CD55: variants seen among roughly 807,000 people sequenced by gnomAD.
CD55 encodes complement decay-accelerating factor.
CD55 carries 41 observed loss-of-function variants against 45.8 expected under a neutral mutation model. That is an observed-to-expected ratio of 0.90 (90% CI 0.70 to 1.16). CD55 has a LOEUF of 1.16. CD55 is among the 50% of genes most tolerant of loss of function. The pLI, the probability that CD55 is intolerant of heterozygous loss-of-function variation, is 0.00. For synonymous variants in CD55, 181 were observed against 181.1 expected (o/e 1.00, Z 0.01); for missense variants, 416 against 469.8 (o/e 0.89, Z 1.06).
intron 9 of CD55, among the ~76,000 whole-genome samples, chr1:207,345,385 A>T (rs923398820): frequency 2.2e-4 from 33 of 152,034 alleles, no homozygotes; most frequent in African/African-American, 7.7e-4. Context: ...TATGTATTTC[A>T]TCAATAAATT....
intron 6 of CD55, among the ~76,000 whole-genome samples, chr1:207,333,429 A>G (rs1224447603): frequency 6.6e-6 from 1 of 152,232 alleles, no homozygotes; most frequent in Admixed American, 6.5e-5. Flanking sequence ...ACCCAGCTCA[A>G]TTCCTAATAG....
chr1:207,348,474 T>C (rs1655736486), intron 9 of CD55, among the ~76,000 whole-genome samples: 1 of 152,230 alleles, frequency 6.6e-6, no homozygotes, highest in South Asian at 2.1e-4. Context: ...ATTAGAACTT[T>C]GTTAGATGCA....
rs1656248537 is a variant in CD55 at position 207,360,318 on chromosome 1, T to C, written c.*708T>C. On this transcript the variant is annotated 3_prime_UTR_variant, in exon 10 of 10. Transcript: ENST00000367064. Reference sequence around the variant, plus strand: ...AATATTAACATAAGAAAAGATTATATATTATTTCTGAATCGAGATGTCCAT... The same window carrying C: ...AATATTAACATAAGAAAAGATTATACATTATTTCTGAATCGAGATGTCCAT... 1 of 152,192 alleles carries C rather than the reference T, an allele frequency of 6.6e-6. No individual in the cohort carries two copies. The highest frequency in any genetic ancestry group is 1.5e-5 in the Non-Finnish European group (1 of 68,012). 9.4% of individuals were successfully genotyped at this position (152,192 alleles called of 1,614,324 possible).
Position 207,331,195 on chromosome 1 carries a change from A to G in CD55, c.752A>G (p.Tyr251Cys), listed in dbSNP as rs1259516403. 1 of 1,612,966 alleles carries G rather than the reference A, an allele frequency of 6.2e-7. No homozygotes were observed. The highest frequency in any genetic ancestry group is 2.2e-5 in the East Asian group (1 of 44,854). Residue 251 changes from tyrosine (Y) to cysteine (C), a missense_variant, in exon 6 of 10, where the codon TAT (tyrosine) becomes TGT (cysteine). Physicochemically the swap from Tyr to Cys is radical, Grantham distance 194. Around this residue, in one of 3 missense-constraint regions of CD55, gnomAD observed 182 missense variants for 201.4 expected, o/e 0.90. Transcript: ENST00000367064. ...TATGGATATAGACAGTCTGTAACGT[A>G]TGCATGTAATAAAGGATTCACCATG... is the stretch of plus-strand genomic sequence containing the variant. ...DHYGYRQSVT[Y>C]ACNKGFTMIG...
intron 9 of CD55, among the ~76,000 whole-genome samples, chr1:207,346,691 G>T (rs1382334902): frequency 6.6e-6 from 1 of 152,166 alleles, no homozygotes; most frequent in Non-Finnish European, 1.5e-5. Flanking sequence ...GCTGCCAGTG[G>T]CTCCTGCTTT....
At chr1:207,323,534 T>C (rs1654527514) in intron 2 of CD55, among the ~76,000 whole-genome samples, 1 of 152,134 alleles carries the variant, frequency 6.6e-6, no homozygotes, top group African/African-American at 2.4e-5. Flanking sequence ...TGGCATTATC[T>C]TGGAGGAAAA....
rs552769455 is a variant in CD55, at chr1:207,323,117, T to G, written c.286+550T>G. ...GTGGAGAATATTCCAAATCTTCTCT[T>G]CTTGCTACTTTGAAAAAATATATGT... is the stretch of plus-strand genomic sequence containing the variant. On this transcript the variant is annotated intron_variant, in intron 2 of 9. Transcript: ENST00000367064. Among the ~76,000 whole-genome samples the G allele has an allele frequency of 4.6e-5, 7 of 151,932 alleles. No individual in the cohort carries two copies. The South Asian group carries it at 1.5e-3, about 32-fold the overall frequency.
chr1:207,326,860 A>T, intron 5 of CD55, 23 bp downstream of exon 5: 1 of 1,531,912 alleles, frequency 6.5e-7, no homozygotes, highest in African/African-American at 1.4e-5. Context: ...AAATCTAAGC[A>T]CTCAGATTGT....
intron 3 of CD55, among the ~76,000 whole-genome samples, chr1:207,325,089 C>A (rs1476408546): frequency 6.6e-6 from 1 of 152,072 alleles, no homozygotes; most frequent in African/African-American, 2.4e-5. Flanking sequence ...AATCCCAGCA[C>A]TTTGGGAGAC....
chr1:207,325,679 G>A lies in CD55; in HGVS notation c.536G>A (p.Gly179Asp). Reference sequence around the variant, plus strand: ...AATGGTCAGATTGATGTACCAGGTGGCATATTATTTGGTGCAACCATCTCC... The same window carrying A: ...AATGGTCAGATTGATGTACCAGGTGACATATTATTTGGTGCAACCATCTCC... The part of the protein sequence containing the change: ...IRNGQIDVPG[G>D]ILFGATISFS... Residue 179 changes from glycine (G) to aspartate (D), a missense_variant, in exon 4 of 10, where the codon GGC (glycine) becomes GAC (aspartate). Physicochemically the swap from Gly to Asp is moderately conservative, Grantham distance 94. Transcript: ENST00000367064. 2 of 1,610,960 alleles carry A rather than the reference G, an allele frequency of 1.2e-6. No individual in the cohort carries two copies. The highest frequency in any genetic ancestry group is 1.3e-5 in the African/African-American group (1 of 74,934).
At chr1:207,346,295 G>T (rs1305977418) in intron 9 of CD55, among the ~76,000 whole-genome samples, 1 of 152,186 alleles carries the variant, frequency 6.6e-6, no homozygotes, top group African/African-American at 2.4e-5. Context: ...AGAGTGCTCA[G>T]CTGCTATTGG....
At chr1:207,348,545 T>G (rs1446315304) in intron 9 of CD55, among the ~76,000 whole-genome samples, 1 of 152,190 alleles carries the variant, frequency 6.6e-6, no homozygotes, top group Non-Finnish European at 1.5e-5. Context: ...GATATATATT[T>G]TTTTGCCATG....
chr1:207,330,896 G>A (rs1340761903), intron 5 of CD55, among the ~76,000 whole-genome samples: 1 of 152,060 alleles, frequency 6.6e-6, no homozygotes, highest in African/African-American at 2.4e-5. Context: ...CTCAAGGTTA[G>A]CATTTGTCTT....
intron 9 of CD55, among the ~76,000 whole-genome samples, chr1:207,358,194 A>G (rs1360051078): frequency 2.6e-5 from 4 of 152,184 alleles, no homozygotes; most frequent in East Asian, 3.8e-4. Context: ...CACTTGCTTT[A>G]TTTTGGAAAC....
At chr1:207,336,190 A>T (rs1227589140) in intron 6 of CD55, among the ~76,000 whole-genome samples, 1 of 152,168 alleles carries the variant, frequency 6.6e-6, no homozygotes, top group Non-Finnish European at 1.5e-5. Flanking sequence ...CCAGCACAAG[A>T]GAATTAAAAG....
At chr1:207,326,938 G>A in intron 5 of CD55, 101 bp downstream of exon 5, 4 of 790,492 alleles carry the variant, frequency 5.1e-6, no homozygotes, top group Non-Finnish European at 8.2e-6. Context: ...TGTATTTGTA[G>A]CAAACCCACC....
intron 9 of CD55, among the ~76,000 whole-genome samples, chr1:207,342,596 GC>G (rs1193534236): frequency 6.6e-6 from 1 of 152,124 alleles, no homozygotes; most frequent in Admixed American, 6.5e-5. Context: ...GATTTGGTTT[GC>G]TAATACTTTG....
chr1:207,357,534 C>T (rs1258190444), intron 9 of CD55, among the ~76,000 whole-genome samples: 1 of 149,468 alleles, frequency 6.7e-6, no homozygotes, highest in African/African-American at 2.5e-5. Context: ...TGCTTTGAGA[C>T]TCCCTGGATC....
At chr1:207,324,520 T>C (rs1654576909) in intron 2 of CD55, 39 bp from the exon 3 acceptor site, 2 of 1,405,278 alleles carry the variant, frequency 1.4e-6, no homozygotes, top group East Asian at 4.7e-5. Context: ...CAAAAATTGA[T>C]ACTACATTTT....
Sources: allele counts gnomAD v4.1 joint callset (sites outside exome capture counted in the v4.1 genomes callset), GRCh38; gene constraint gnomAD v4.1.1; regional missense constraint gnomAD v4.1.1; transcripts MANE v1.5; gene names NCBI Gene and HGNC (gene_info 2026-07-23, HGNC 2026-07-21).